The following BDP1 variants were observed in gnomAD, a reference collection of about 807,000 sequenced individuals.
BDP1 encodes the protein transcription factor TFIIIB component B'' homolog.
Under a neutral mutation model 266.6 loss-of-function variants are expected in BDP1, and 169 were observed. That is an observed-to-expected ratio of 0.63 (90% CI 0.56 to 0.72). The LOEUF is 0.72. Ranked by LOEUF, BDP1 falls within the 30% of genes least tolerant of loss-of-function variation. The pLI is 0.00. For missense variants in BDP1, 3,015 were observed against 3,053.8 expected, an observed-to-expected ratio of 0.99 and a Z score of 0.30; for synonymous variants, 1,090 against 1,022.4, an observed-to-expected ratio of 1.07 and a Z score of -1.26.
intron 36 of BDP1, among the ~76,000 whole-genome samples, chr5:71,557,375 A>ATTTTTTT (rs55810132): frequency 1.5e-4 from 15 of 103,346 alleles, no homozygotes; most frequent in African/African-American, 3.1e-4. Context: ...TGCCAAGCTA[A>ATTTTTTT]TTTTTTTTTT....
intron 32 of BDP1, among the ~76,000 whole-genome samples, chr5:71,546,617 C>CAAAAAA (rs70992980): frequency 5.2e-5 from 3 of 57,770 alleles, no homozygotes; most frequent in African/African-American, 1.5e-4. Flanking sequence ...GACTCTGTCT[C>CAAAAAA]AAAAAAAAAA....
intron 6 of BDP1, among the ~76,000 whole-genome samples, 198 bp from the exon 7 acceptor site, chr5:71,470,197 G>A (rs1377218226): frequency 6.6e-6 from 1 of 151,950 alleles, no homozygotes; most frequent in African/African-American, 2.4e-5. Context: ...CCAAAGTTCT[G>A]GGATTATAGG....
chr5:71,576,899 A>G, the BDP1 span, among the ~76,000 whole-genome samples: 1 of 121,306 alleles, frequency 8.2e-6, no homozygotes, highest in East Asian at 2.3e-4. Flanking sequence ...GAATGGCAAC[A>G]TCTGGGTTGC....
At chr5:71,574,040 A>C in the BDP1 span, among the ~76,000 whole-genome samples, 1 of 152,190 alleles carries the variant, frequency 6.6e-6, no homozygotes, top group Non-Finnish European at 1.5e-5. Context: ...GTGTACAAAA[A>C]CTTGGGAAAT....
the BDP1 span, among the ~76,000 whole-genome samples, chr5:71,577,973 G>A: frequency 6.6e-6 from 1 of 152,166 alleles, no homozygotes; most frequent in Non-Finnish European, 1.5e-5. Flanking sequence ...CATTCCACTG[G>A]AGGCTACATG....
At chr5:71,515,201 T>C in intron 20 of BDP1, 79 bp downstream of exon 20, 1 of 1,078,806 alleles carries the variant, frequency 9.3e-7, no homozygotes, top group African/African-American at 1.6e-5. Context: ...TTGAGATATG[T>C]TAATGCATTT....
At position 71,522,393 on chromosome 5, in the gene BDP1, C is replaced by T. The variant is rs1235482819; in HGVS notation, c.5096C>T (p.Pro1699Leu). Residue 1699 changes from proline (P) to leucine (L), a missense_variant, in exon 23 of 39, where the codon CCA becomes CTA. By Grantham distance (98) the Pro-to-Leu change is moderately conservative. Transcript: ENST00000358731. ...LGRAHSKKEEPVLEKVTTDQS... is the reference protein window; with the variant it reads ...LGRAHSKKEELVLEKVTTDQS... The stretch of plus-strand genomic sequence containing the variant: ...AGAGCACACAGTAAGAAAGAGGAAC[C>T]AGTTTTAGAAAAAGTCACAACAGAT... 6.2e-7 allele frequency: 1 copy of T among 1,613,246 alleles called. No individual in the cohort carries two copies. The highest frequency in any genetic ancestry group is 1.1e-5 in the South Asian group (1 of 91,040).
downstream of BDP1, among the ~76,000 whole-genome samples, chr5:71,571,503 C>T (rs530801633): frequency 9.2e-5 from 14 of 152,278 alleles, no homozygotes; most frequent in African/African-American, 3.4e-4. Context: ...ATTCCAACAT[C>T]CTCATTTTCC....
intron 34 of BDP1, among the ~76,000 whole-genome samples, chr5:71,549,828 T>G (rs1257252935): frequency 6.6e-6 from 1 of 152,250 alleles, no homozygotes; most frequent in African/African-American, 2.4e-5. Flanking sequence ...GAAACTTGTT[T>G]ATTAAGTTAT....
intron 16 of BDP1, among the ~76,000 whole-genome samples, chr5:71,506,776 A>G (rs908919428): frequency 7.7e-6 from 1 of 129,098 alleles, no homozygotes; most frequent in Admixed American, 8.9e-5. Context: ...ATATATATAT[A>G]TATATTTGAA....
intron 38 of BDP1, chr5:71,562,808 A>G: frequency 7.5e-7 from 1 of 1,338,870 alleles, no homozygotes. Flanking sequence ...AAAAGGAAGC[A>G]GTGCTGACAC....
intron 26 of BDP1, among the ~76,000 whole-genome samples, chr5:71,535,684 G>C (rs575025437): frequency 6.6e-6 from 1 of 152,150 alleles, no homozygotes; most frequent in East Asian, 1.9e-4. Flanking sequence ...GGTTCCTTCT[G>C]GAGGCTCTGA....
intron 7 of BDP1, among the ~76,000 whole-genome samples, chr5:71,482,103 CT>C (rs1428050856): frequency 2.4e-4 from 36 of 152,180 alleles, no homozygotes; most frequent in African/African-American, 8.7e-4. Context: ...GCCTTCATGG[CT>C]TTAGCAGCTG....
chr5:71,566,048 TA>T lies in BDP1; in HGVS notation c.*1165del. The stretch of plus-strand genomic sequence containing the variant: ...AATTTTAAAGATATTTAAAATGATA[TA>T]ACTAAAAATGTTTAGCTGGTGTATA... On this transcript the variant is annotated 3_prime_UTR_variant, in exon 39 of 39. Coordinates refer to ENST00000358731, the MANE Select transcript of BDP1 (RefSeq NM_018429.3). 1 of 211,052 alleles carries T rather than the reference TA, an allele frequency of 4.7e-6. No homozygotes were observed. The highest frequency in any genetic ancestry group is 1.0e-5 in the Non-Finnish European group (1 of 95,774). The allele number at this position is 211,052 out of a possible 1,614,324, so 13.1% of individuals were successfully genotyped here. A position where few individuals can be genotyped will look rare whatever the true frequency, so the allele number is the denominator to read the frequency against.
chr5:71,561,381 A>G (rs1018945292), intron 37 of BDP1, among the ~76,000 whole-genome samples: 12 of 152,258 alleles, frequency 7.9e-5, no homozygotes, highest in Admixed American at 7.8e-4. Flanking sequence ...AGCCTGGGCA[A>G]CAAGAGCGAA....
chr5:71,456,805 A>G (rs1761219025), intron 1 of BDP1, among the ~76,000 whole-genome samples: 1 of 152,222 alleles, frequency 6.6e-6, no homozygotes, highest in Non-Finnish European at 1.5e-5. Flanking sequence ...TTTTTTAGAA[A>G]GGTGATGGAG....
intron 38 of BDP1, chr5:71,562,998 T>TCACCCAGGC: frequency 1.2e-6 from 1 of 800,492 alleles, no homozygotes; most frequent in Non-Finnish European, 1.7e-6. Flanking sequence ...TGAGCATCTG[T>TCACCCAGGC]TGAACAGCAT....
In BDP1 at chr5:71,524,282, C is replaced by T. The variant is rs769998816; in HGVS notation, c.5731C>T (p.Pro1911Ser). 6.2e-7 allele frequency: 1 copy of T among 1,606,332 alleles called. No individual in the cohort carries two copies. The highest frequency in any genetic ancestry group is 1.1e-5 in the South Asian group (1 of 90,924). ...ATTTGTACCTGTTGGTCTCAGATCT[C>T]CTGAACCTGTTTCTGCTCAGATTGA... ...PVFVPVGLRS[P>S]EPVSAQIEET... is the part of the protein sequence containing the mutation. Residue 1911 changes from proline (P) to serine (S), a missense_variant, in exon 25 of 39, where the codon CCT becomes TCT. By Grantham distance (74) the Pro-to-Ser change is moderately conservative (BLOSUM62 -1). Around this residue, in one of 3 missense-constraint regions of BDP1, gnomAD observed 2,383 missense variants for 2,404.9 expected, o/e 0.99. Transcript: ENST00000358731.
intron 16 of BDP1, among the ~76,000 whole-genome samples, chr5:71,506,781 T>TATATATATATATATATATATATATA (rs201899514): frequency 2.8e-5 from 3 of 106,744 alleles, no homozygotes; most frequent in African/African-American, 1.0e-4. Flanking sequence ...TATATATATA[T>TATATATATATATATATATATATATA]TTGAAACACA....
Sources: allele counts gnomAD v4.1 joint callset (sites outside exome capture counted in the v4.1 genomes callset), GRCh38; gene constraint gnomAD v4.1.1; regional missense constraint gnomAD v4.1.1; transcripts MANE v1.5; gene names NCBI Gene and HGNC (gene_info 2026-07-23, HGNC 2026-07-21).